The following PLEKHA8 variants were observed in gnomAD, a reference collection of about 807,000 sequenced individuals.
PLEKHA8 encodes the protein pleckstrin homology domain-containing family A member 8.
A neutral mutation model predicts 68.2 loss-of-function variants in PLEKHA8; 36 were observed. The observed-to-expected ratio is 0.53, with a 90% CI of 0.40 to 0.70. The LOEUF is 0.70. Ranked by LOEUF, PLEKHA8 falls within the 30% of genes least tolerant of loss-of-function variation. PLEKHA8 has a pLI of 0.00. For synonymous variants in PLEKHA8, 211 were observed against 216.1 expected, an observed-to-expected ratio of 0.98 and a Z score of 0.20; for missense variants, 505 against 615.4, an observed-to-expected ratio of 0.82 and a Z score of 1.90.
Position 30,079,776 on chromosome 7 carries a change from A to T in PLEKHA8, c.*989A>T. 2.6e-6 allele frequency: 2 copies of T among 775,248 alleles called. No homozygotes were observed. The highest frequency in any genetic ancestry group is 1.6e-6 in the Non-Finnish European group (1 of 638,486). The allele number at this position is 775,248 out of a possible 1,614,324, so 48.0% of individuals were successfully genotyped here. ...AGAACCAGAGTCTAGGTGGTGGGAC[A>T]TAGGAATCTGCATTTCAGTAAACTT... On this transcript the variant is annotated 3_prime_UTR_variant, in exon 14 of 14. Coordinates refer to ENST00000449726, the MANE Select transcript of PLEKHA8 (RefSeq NM_001197026.2).
chr7:30,079,152 A>G lies in PLEKHA8; in HGVS notation c.*365A>G, dbSNP rs760878884. ...CCCAAGCTGAAAATCAGCAAATTCC[A>G]TATTAAGTACCATAATTCATAGCCA... On this transcript the variant is annotated 3_prime_UTR_variant, in exon 14 of 14. Coordinates refer to ENST00000449726, the MANE Select transcript of PLEKHA8 (RefSeq NM_001197026.2). 2 of 1,018,356 alleles carry G rather than the reference A, an allele frequency of 2.0e-6. No homozygotes were observed. Among genetic ancestry groups the G allele is most frequent in the Non-Finnish European group, 1.2e-6 (1 of 850,328 alleles). The allele number at this position is 1,018,356 out of a possible 1,614,324, so 63.1% of individuals were successfully genotyped here.
At chr7:30,033,933 T>G (rs978770941) in intron 1 of PLEKHA8, among the ~76,000 whole-genome samples, 2 of 151,962 alleles carry the variant, frequency 1.3e-5, no homozygotes, top group Non-Finnish European at 2.9e-5. Flanking sequence ...TCCATTTGTA[T>G]ATCTATTTGG....
At position 30,082,926 on chromosome 7, in the gene PLEKHA8, G is replaced by T. The variant is rs936314103; in HGVS notation, c.*4139G>T. On this transcript the variant is annotated 3_prime_UTR_variant, in exon 14 of 14. Coordinates refer to ENST00000449726, the MANE Select transcript of PLEKHA8 (RefSeq NM_001197026.2). ...AACTACCATGTCCTACAAGAACTTG[G>T]TTATATAATGGTGCGTCTCTGAATC... 1.9e-5 allele frequency: 19 copies of T among 985,200 alleles called. No individual in the cohort carries two copies. The African/African-American group carries it at 3.0e-4, about 15-fold the overall frequency. The allele number at this position is 985,200 out of a possible 1,614,324, so 61.0% of individuals were successfully genotyped here.
At chr7:30,029,001 G>T (rs952921663) in intron 1 of PLEKHA8, among the ~76,000 whole-genome samples, 199 bp downstream of exon 1, 11 of 152,212 alleles carry the variant, frequency 7.2e-5, no homozygotes, top group African/African-American at 1.9e-4. Context: ...TCTTGGGGTT[G>T]GTTAAGAGCT....
intron 6 of PLEKHA8, among the ~76,000 whole-genome samples, chr7:30,051,735 AGGCCGAGAC>A (rs995245339): frequency 2.6e-5 from 4 of 152,226 alleles, no homozygotes; most frequent in African/African-American, 9.6e-5. Context: ...GCACTTTGGG[AGGCCGAGAC>A]GGGTGGATCA....
downstream of PLEKHA8, among the ~76,000 whole-genome samples, chr7:30,084,949 CTTT>C (rs5883231): frequency 8.5e-5 from 12 of 141,570 alleles, no homozygotes; most frequent in Admixed American, 7.1e-5. Flanking sequence ...TTTTTCTTTT[CTTT>C]TTTTTTTTTT....
At chr7:30,032,103 T>G (rs956667826) in intron 1 of PLEKHA8, among the ~76,000 whole-genome samples, 2 of 152,242 alleles carry the variant, frequency 1.3e-5, no homozygotes, top group East Asian at 1.9e-4. Context: ...GAGAGTAAAT[T>G]AAAAACATGT....
Position 30,081,057 on chromosome 7 carries a change from C to T in PLEKHA8, c.*2270C>T. 1 of 985,278 alleles carries T rather than the reference C, an allele frequency of 1.0e-6. No individual in the cohort carries two copies. Among genetic ancestry groups the T allele is most frequent in the Non-Finnish European group, 1.2e-6 (1 of 829,922 alleles). The allele number at this position is 985,278 out of a possible 1,614,324, so 61.0% of individuals were successfully genotyped here. On this transcript the variant is annotated 3_prime_UTR_variant, in exon 14 of 14. Coordinates refer to ENST00000449726, the MANE Select transcript of PLEKHA8 (RefSeq NM_001197026.2). ...GTTTGCCACCGCAACTCTGAATACA[C>T]ACAAAAGGAAAGCTGCTCAGCATGG...
Position 30,078,541 on chromosome 7 carries a change from G to C in PLEKHA8, c.1363-49G>C, listed in dbSNP as rs1794752581. 4 of 1,588,828 alleles carry C rather than the reference G, an allele frequency of 2.5e-6. No individual in the cohort carries two copies. In the African/African-American group the frequency reaches 5.4e-5, roughly 21 times the overall value. On this transcript the variant is annotated intron_variant, in intron 13 of 13. Coordinates refer to ENST00000449726, the MANE Select transcript of PLEKHA8 (RefSeq NM_001197026.2). ...CATGTGCACATGCATAAAAATAAGA[G>C]TGTGAGAGACAGACTTGATGCAGAT...
At chr7:30,066,301 A>C (rs910111623) in intron 12 of PLEKHA8, among the ~76,000 whole-genome samples, 2 of 152,206 alleles carry the variant, frequency 1.3e-5, no homozygotes, top group Non-Finnish European at 2.9e-5. Flanking sequence ...AGTCCTAAAT[A>C]ACATTGTAGA....
chr7:30,077,062 A>T (rs1263281169), intron 13 of PLEKHA8, among the ~76,000 whole-genome samples: 3 of 152,024 alleles, frequency 2.0e-5, no homozygotes, highest in Non-Finnish European at 4.4e-5. Flanking sequence ...GAACTCTATT[A>T]CTGGTTCTCC....
chr7:30,061,950 G>A lies in PLEKHA8; in HGVS notation c.1152G>A (p.Lys384=), dbSNP rs1433044915. 6.2e-7 allele frequency: 1 copy of A among 1,614,158 alleles called. No individual in the cohort carries two copies. Among genetic ancestry groups the A allele is most frequent in the Middle Eastern group, 1.7e-4 (1 of 6,060 alleles). The change falls in exon 11 of 14, where the codon AAG becomes AAA. Residue 384 remains lysine, a synonymous_variant. Coordinates refer to ENST00000449726, the MANE Select transcript of PLEKHA8 (RefSeq NM_001197026.2). The part of the protein sequence containing the change: ...TNKEEFTTLQ[K]IVLHEVEADV... ...AAGAAGAGTTTACCACTCTCCAGAAGATAGTGCTGCACGAAGTGGAGGCGG... is the reference window on the plus strand; with the variant it reads ...AAGAAGAGTTTACCACTCTCCAGAAAATAGTGCTGCACGAAGTGGAGGCGG...
At position 30,090,426 on chromosome 7, in the gene PLEKHA8, A is replaced by G. The variant is rs145064152; in HGVS notation, c.*251A>G. The G allele has an allele frequency of 1.9e-4, 80 of 419,614 alleles. 1 individual carries two copies. Among genetic ancestry groups the G allele is most frequent in the African/African-American group, 1.4e-3 (73 of 50,494 alleles). The allele number at this position is 419,614 out of a possible 1,614,324, so 26.0% of individuals were successfully genotyped here. Reference sequence around the variant, plus strand: ...TAAGCAGGTAAGAACTCAGAACATAATACCTGAGTGCCTTCTTAAGGAAAC... The same window carrying G: ...TAAGCAGGTAAGAACTCAGAACATAGTACCTGAGTGCCTTCTTAAGGAAAC... On this transcript the variant is annotated 3_prime_UTR_variant, in exon 13 of 13. Transcript: ENST00000258679.
intron 1 of PLEKHA8, among the ~76,000 whole-genome samples, chr7:30,029,816 G>A (rs750686062): frequency 6.6e-6 from 1 of 152,172 alleles, no homozygotes; most frequent in South Asian, 2.1e-4. Context: ...TTAAGAATGG[G>A]TGTGTGTGGG....
At chr7:30,056,765 GTGTGTGTGTGTGTGTGTGTGTATA>G (rs1793001590) in intron 9 of PLEKHA8, among the ~76,000 whole-genome samples, 1 of 132,724 alleles carries the variant, frequency 7.5e-6, no homozygotes, top group Admixed American at 8.0e-5. Context: ...GTGTGTGTGT[GTGTGTGTGTGTGTGTGTGTGTATA>G]TATATATGTT....
At chr7:30,109,107 C>G (rs1395123434) in intron 13 of PLEKHA8, among the ~76,000 whole-genome samples, 1 of 152,124 alleles carries the variant, frequency 6.6e-6, no homozygotes, top group African/African-American at 2.4e-5. Context: ...TTAGTCATCT[C>G]TAATTGTTCA....
At chr7:30,057,694 C>T (rs1036857945) in intron 9 of PLEKHA8, among the ~76,000 whole-genome samples, 1 of 152,136 alleles carries the variant, frequency 6.6e-6, no homozygotes, top group Non-Finnish European at 1.5e-5. Context: ...CTCCTGACCT[C>T]ACATGATCTG....
At chr7:30,116,776 C>T (rs534831856) in intron 13 of PLEKHA8, among the ~76,000 whole-genome samples, 1 of 152,304 alleles carries the variant, frequency 6.6e-6, no homozygotes, top group South Asian at 2.1e-4. Flanking sequence ...TTGAAAATTG[C>T]TCTCTGAGCA....
At chr7:30,078,243 A>G (rs746819448) in intron 13 of PLEKHA8, among the ~76,000 whole-genome samples, 2 of 152,218 alleles carry the variant, frequency 1.3e-5, no homozygotes, top group South Asian at 2.1e-4. Flanking sequence ...GGCAACATGC[A>G]TATAGATTCT....
Sources: gnomAD v4.1 joint callset for allele counts (sites outside exome capture counted in the v4.1 genomes callset) on GRCh38, gnomAD v4.1.1 for gene constraint, MANE v1.5 for transcripts, NCBI Gene and HGNC (gene_info 2026-07-23, HGNC 2026-07-21) for gene names.